SLC11A2: variants seen among roughly 807,000 people sequenced by gnomAD.
SLC11A2 encodes the protein natural resistance-associated macrophage protein 2.
In SLC11A2, 38 loss-of-function variants were observed where a neutral mutation model predicts 68.0. That is an observed-to-expected ratio of 0.56 (90% CI 0.43 to 0.73). The LOEUF is 0.73. Among genes scored for constraint, SLC11A2 ranks in the 30% least tolerant of loss-of-function variants. The pLI, the probability that SLC11A2 is intolerant of heterozygous loss-of-function variation, is 0.00. For missense variants in SLC11A2, 517 were observed against 690.5 expected, an observed-to-expected ratio of 0.75 and a Z score of 2.82; for synonymous variants, 242 against 250.6, an observed-to-expected ratio of 0.97 and a Z score of 0.32.
intron 11 of SLC11A2, chr12:50,993,213 G>T (rs975260264): frequency 5.3e-4 from 187 of 352,246 alleles, no homozygotes; most frequent in African/African-American, 4.4e-3. Flanking sequence ...AAAAAAAAAA[G>T]AGGTCTACAC....
At chr12:50,959,708 C>A in the SLC11A2 span, among the ~76,000 whole-genome samples, 2 of 151,906 alleles carry the variant, frequency 1.3e-5, no homozygotes, top group Non-Finnish European at 2.9e-5. Context: ...AGTGCAGTAG[C>A]ATTATCTCAG....
At chr12:51,000,638 G>C in intron 5 of SLC11A2, 1 of 599,140 alleles carries the variant, frequency 1.7e-6, no homozygotes, top group Non-Finnish European at 3.0e-6. Flanking sequence ...CAGAACCTGT[G>C]AACGAAGGTC....
chr12:50,997,048 G>C, intron 8 of SLC11A2, 76 bp from the exon 9 acceptor site: 1 of 1,166,580 alleles, frequency 8.6e-7, no homozygotes, highest in Non-Finnish European at 1.3e-6. Context: ...GGAACAGTTA[G>C]CATCCTTTAT....
chr12:51,017,642 ACT>A (rs1171932188), intron 1 of SLC11A2, among the ~76,000 whole-genome samples: 5 of 152,168 alleles, frequency 3.3e-5, no homozygotes, highest in African/African-American at 4.8e-5. Flanking sequence ...ATATAGATTC[ACT>A]CAGCTTCTCA....
the SLC11A2 span, among the ~76,000 whole-genome samples, chr12:50,970,158 A>C: frequency 1.3e-5 from 2 of 152,198 alleles, no homozygotes; most frequent in Admixed American, 1.3e-4. Context: ...TTATCTTCAC[A>C]TCTGGTCAAA....
chr12:51,008,742 A>T, intron 2 of SLC11A2, 118 bp from the exon 3 acceptor site: 1 of 740,566 alleles, frequency 1.4e-6, no homozygotes, highest in South Asian at 1.5e-5. Context: ...GACCAACCTG[A>T]CTCTAGCTCA....
At chr12:51,023,558 T>C (rs1014288833) in intron 1 of SLC11A2, among the ~76,000 whole-genome samples, 2 of 152,180 alleles carry the variant, frequency 1.3e-5, no homozygotes, top group South Asian at 2.1e-4. Context: ...TCCCAGAATG[T>C]TTTACTCAAA....
Position 50,995,710 on chromosome 12 carries a change from T to A in SLC11A2, c.909A>T (p.Ala303=), listed in dbSNP as rs150037399. The change falls in exon 10 of 16, where the codon GCA becomes GCT. Residue 303 remains alanine, a synonymous_variant. Coordinates refer to ENST00000262052, the MANE Select transcript of SLC11A2 (RefSeq NM_000617.3). Reference sequence around the variant, plus strand: ...CATTGATGATGAAGGAAACAAAGAGTGCAATGCAGGATTCAATGAAAAAGT... The same window carrying A: ...CATTGATGATGAAGGAAACAAAGAGAGCAATGCAGGATTCAATGAAAAAGT... The part of the protein sequence containing the change: ...NKYFFIESCI[A]LFVSFIINVF... The A allele has an allele frequency of 6.8e-6, 11 of 1,613,796 alleles. No homozygotes were observed. Among genetic ancestry groups the A allele is most frequent in the Non-Finnish European group, 7.6e-6 (9 of 1,179,904 alleles).
chr12:50,992,850 G>C lies in SLC11A2; in HGVS notation c.1157C>G (p.Ser386Cys). 1.2e-6 allele frequency: 2 copies of C among 1,614,030 alleles called. No individual in the cohort carries two copies. Among genetic ancestry groups the C allele is most frequent in the Non-Finnish European group, 1.7e-6 (2 of 1,179,992 alleles). The change falls in exon 12 of 16, where the codon TCC becomes TGC. Residue 386 changes from serine to cysteine, a missense_variant. By Grantham distance (112) the Ser-to-Cys change is moderately radical. Coordinates refer to ENST00000262052, the MANE Select transcript of SLC11A2 (RefSeq NM_000617.3). ...AVGILAAGQSSTMTGTYSGQF... is the reference protein window; with the variant it reads ...AVGILAAGQSCTMTGTYSGQF... Reference sequence around the variant, plus strand: ...GCCAGAATAGGTTCCTGTCATGGTGGAGCTCTGTCCTGCAGCCAGGATCCC... The same window carrying C: ...GCCAGAATAGGTTCCTGTCATGGTGCAGCTCTGTCCTGCAGCCAGGATCCC...
In SLC11A2 at chr12:50,987,761, G is replaced by A. The variant is rs1036540629; in HGVS notation, c.*564C>T. ...CACTGAGAAATTAAAGTGGAAATAA[G>A]TTCAAAGAATCCTAAGCCTGATAGA... is the stretch of plus-strand genomic sequence containing the variant. On this transcript the variant is annotated 3_prime_UTR_variant, in exon 16 of 16. Coordinates refer to ENST00000262052, the MANE Select transcript of SLC11A2 (RefSeq NM_000617.3). 1.8e-5 allele frequency: 23 copies of A among 1,286,838 alleles called. No individual in the cohort carries two copies. Among genetic ancestry groups the A allele is most frequent in the Non-Finnish European group, 2.2e-5 (22 of 988,594 alleles). The allele number at this position is 1,286,838 out of a possible 1,614,324, so 79.7% of individuals were successfully genotyped here. A position where few individuals can be genotyped will look rare whatever the true frequency, so the allele number is the denominator to read the frequency against.
intron 1 of SLC11A2, among the ~76,000 whole-genome samples, chr12:51,016,332 A>G (rs553183741): frequency 6.6e-5 from 10 of 152,020 alleles, no homozygotes; most frequent in African/African-American, 2.4e-4. Context: ...AGATCACCTG[A>G]GGTCAGGAGT....
rs1401542006 is a variant in SLC11A2 at position 50,987,038 on chromosome 12, T to G, written c.*1287A>C. 1 of 1,286,258 alleles carries G rather than the reference T, an allele frequency of 7.8e-7. No homozygotes were observed. The highest frequency in any genetic ancestry group is 1.0e-6 in the Non-Finnish European group (1 of 988,356). The allele number at this position is 1,286,258 out of a possible 1,614,324, so 79.7% of individuals were successfully genotyped here. A position where few individuals can be genotyped will look rare whatever the true frequency, so the allele number is the denominator to read the frequency against. On this transcript the variant is annotated 3_prime_UTR_variant, in exon 16 of 16. Transcript: ENST00000262052. Reference sequence around the variant, plus strand: ...TTTATCTCCATCAAAGTGATTTGATTTGAGATAATCACACAATCTCAGGCT... The same window carrying G: ...TTTATCTCCATCAAAGTGATTTGATGTGAGATAATCACACAATCTCAGGCT...
chr12:51,018,393 CA>C lies in SLC11A2; in HGVS notation c.-38-7628del, dbSNP rs1367388386. On this transcript the variant is annotated intron_variant, in intron 1 of 15. Transcript: ENST00000262052. ...TGGGCAACCAAGCAAGACCCCATCT[CA>C]AAAAAAAAACAAAAAACACAAAACA... Among the ~76,000 whole-genome samples the C allele has an allele frequency of 6.6e-5, 9 of 137,266 alleles. 1 individual carries two copies. The highest frequency in any genetic ancestry group is 1.1e-4 in the Non-Finnish European group (7 of 63,228). 90.1% of individuals were successfully genotyped at this position (137,266 alleles called of 152,430 possible).
chr12:50,966,894 T>A, the SLC11A2 span, among the ~76,000 whole-genome samples: 2 of 152,216 alleles, frequency 1.3e-5, no homozygotes, highest in South Asian at 2.1e-4. Context: ...GGTGGGTAGA[T>A]CATTTGAGGT....
At chr12:50,975,033 T>C (rs1395052325), downstream of SLC11A2, among the ~76,000 whole-genome samples, 1 of 152,044 alleles carries the variant, frequency 6.6e-6, no homozygotes, top group East Asian at 1.9e-4. Flanking sequence ...TCCCACACAA[T>C]AATAATGGGA....
chr12:50,960,922 C>T, the SLC11A2 span: 2 of 1,491,586 alleles, frequency 1.3e-6, no homozygotes, highest in East Asian at 2.6e-5. Flanking sequence ...TCACACGATG[C>T]TCCTGCCTCA....
chr12:51,025,643 A>C (rs1944330610), intron 1 of SLC11A2: 1 of 539,966 alleles, frequency 1.9e-6, no homozygotes, highest in Non-Finnish European at 2.4e-6. Flanking sequence ...CATGAAACGC[A>C]CAGCTGGGAG....
Position 51,008,586 on chromosome 12 carries a change from C to G in SLC11A2, c.73G>C (p.Gly25Arg). Residue 25 changes from glycine (G) to arginine (R), a missense_variant, in exon 3 of 16, where the codon GGT (glycine) becomes CGT (arginine). By Grantham distance (125) the Gly-to-Arg change is moderately radical. Coordinates refer to ENST00000262052, the MANE Select transcript of SLC11A2 (RefSeq NM_000617.3). ...SGDHGESASL[G>R]NINPAYSNPS... is the part of the protein sequence containing the mutation. ...TTACTATAGGCAGGGTTGATGTTAC[C>G]AAGACTGGCAGACTCCCCATGATCT... 1 of 1,612,850 alleles carries G rather than the reference C, an allele frequency of 6.2e-7. No individual in the cohort carries two copies. The highest frequency in any genetic ancestry group is 2.2e-5 in the East Asian group (1 of 44,862).
At chr12:51,001,466 T>C (rs1344045436) in intron 5 of SLC11A2, among the ~76,000 whole-genome samples, 1 of 151,694 alleles carries the variant, frequency 6.6e-6, no homozygotes, top group African/African-American at 2.4e-5. Context: ...GATGTAATAA[T>C]ATGTACAACA....
Sources: allele counts gnomAD v4.1 joint callset (sites outside exome capture counted in the v4.1 genomes callset), GRCh38; gene constraint gnomAD v4.1.1; transcripts MANE v1.5; gene names NCBI Gene and HGNC (gene_info 2026-07-23, HGNC 2026-07-21).